Variants in SBK1 observed in about 807,000 individuals in gnomAD.
SBK1 encodes serine/threonine-protein kinase SBK1.
A neutral mutation model predicts 24.4 loss-of-function variants in SBK1; 11 were observed. The observed-to-expected ratio is 0.45, with a 90% CI of 0.28 to 0.75. SBK1 has a LOEUF of 0.75. Ranked by LOEUF, SBK1 falls within the 30% of genes least tolerant of loss-of-function variation. The probability of loss-of-function intolerance (pLI) is 0.12; values close to 1 mark genes in which losing one functional copy is unlikely to be tolerated. For missense variants in SBK1, 467 were observed against 620.5 expected, an observed-to-expected ratio of 0.75 and a Z score of 2.63; for synonymous variants, 308 against 284.4, an observed-to-expected ratio of 1.08 and a Z score of -0.83.
At chr16:28,313,129 TA>T (rs1248729532) in intron 1 of SBK1, among the ~76,000 whole-genome samples, 1 of 151,588 alleles carries the variant, frequency 6.6e-6, no homozygotes, top group Non-Finnish European at 1.5e-5. Context: ...ATAAAATAAA[TA>T]AAATACGAAA....
intron 1 of SBK1, among the ~76,000 whole-genome samples, chr16:28,293,805 G>A (rs2044619635): frequency 6.6e-6 from 1 of 152,142 alleles, no homozygotes; most frequent in Non-Finnish European, 1.5e-5. Context: ...GGGAAGGGGT[G>A]TGTTTGAGCG....
chr16:28,304,733 G>C (rs1378848488), intron 1 of SBK1, among the ~76,000 whole-genome samples: 1 of 151,406 alleles, frequency 6.6e-6, no homozygotes, highest in Non-Finnish European at 1.5e-5. Context: ...TCAGCCTCCC[G>C]AGTAGCTGGG....
At chr16:28,299,666 G>A (rs1011424827) in intron 1 of SBK1, among the ~76,000 whole-genome samples, 39 of 152,110 alleles carry the variant, frequency 2.6e-4, no homozygotes, top group African/African-American at 2.7e-4. Context: ...AACAGTGTGC[G>A]ATGCTGCCAC....
chr16:28,318,525 G>GCT (rs1345578103), intron 2 of SBK1, among the ~76,000 whole-genome samples: 1 of 152,246 alleles, frequency 6.6e-6, no homozygotes, highest in African/African-American at 2.4e-5. Context: ...ATGTGTAAAT[G>GCT]CTCCGTGGAC....
intron 1 of SBK1, among the ~76,000 whole-genome samples, chr16:28,295,381 G>A (rs929155916): frequency 2.0e-5 from 3 of 152,098 alleles, no homozygotes; most frequent in Admixed American, 2.0e-4. Context: ...CCCACTCTAG[G>A]ATGGCTCCGG....
At chr16:28,272,189 C>A (rs527379811) in intron 1 of SBK1, among the ~76,000 whole-genome samples, 1 of 152,274 alleles carries the variant, frequency 6.6e-6, no homozygotes, top group East Asian at 1.9e-4. Flanking sequence ...CCATCCTCAG[C>A]CTCCAGAGTA....
At chr16:28,305,322 T>G (rs747571433) in intron 1 of SBK1, among the ~76,000 whole-genome samples, 3 of 152,092 alleles carry the variant, frequency 2.0e-5, no homozygotes, top group Non-Finnish European at 4.4e-5. Context: ...AAGTGTTTCT[T>G]GTGCCTCAGC....
At chr16:28,291,066 G>A (rs978876194), upstream of SBK1, 1 of 152,156 alleles carries the variant, frequency 6.6e-6, no homozygotes, top group South Asian at 2.1e-4. Flanking sequence ...AGGTACTTGC[G>A]TTTGCAATCC....
In SBK1 at chr16:28,322,948, CT is replaced by C. The variant is rs1482046906; in HGVS notation, c.*2028del. On this transcript the variant is annotated 3_prime_UTR_variant, in exon 4 of 4. Coordinates refer to ENST00000341901, the MANE Select transcript of SBK1 (RefSeq NM_001024401.3). ...TCTCTCTCCCTCTCTCTCTCTCTCT[CT>C]CTCTCTCTCTCTCTCTCTCTCTCTC... 1.5e-5 allele frequency: 2 copies of C among 133,320 alleles called. No homozygotes were observed. Among genetic ancestry groups the C allele is most frequent in the Non-Finnish European group, 3.2e-5 (2 of 63,158 alleles). 8.3% of individuals were successfully genotyped at this position (133,320 alleles called of 1,614,324 possible). A position where few individuals can be genotyped will look rare whatever the true frequency, so the allele number is the denominator to read the frequency against.
intron 1 of SBK1, among the ~76,000 whole-genome samples, chr16:28,261,202 G>A (rs1477163529): frequency 6.6e-6 from 1 of 152,112 alleles, no homozygotes; most frequent in Non-Finnish European, 1.5e-5. Context: ...GAACTCCTAA[G>A]CAATGGTCTC....
chr16:28,266,428 A>T (rs1374510788), intron 1 of SBK1, among the ~76,000 whole-genome samples: 1 of 152,158 alleles, frequency 6.6e-6, no homozygotes, highest in African/African-American at 2.4e-5. Flanking sequence ...AGGTGTGTGC[A>T]TCAGTGTTTT....
Position 28,261,848 on chromosome 16 carries a change from T to C in SBK1, c.257+2346T>C, listed in dbSNP as rs2044399832. ...CCTTAGGGTTGGCAGCCGTGAAATC[T>C]GCCCCCTCATCCCTCATCCCTTCAT... On this transcript the variant is annotated intron_variant, in intron 1 of 3. Coordinates refer to the SBK1 transcript ENST00000671413. Among the ~76,000 whole-genome samples the C allele has an allele frequency of 2.0e-5, 3 of 152,190 alleles. No individual in the cohort carries two copies. The South Asian group carries it at 6.2e-4, about 31-fold the overall frequency.
intron 1 of SBK1, among the ~76,000 whole-genome samples, chr16:28,270,543 A>G (rs1164177688): frequency 2.0e-5 from 3 of 151,772 alleles, no homozygotes; most frequent in Non-Finnish European, 4.4e-5. Flanking sequence ...CTCCTATCTG[A>G]GCCTCCTGGG....
chr16:28,304,229 G>T (rs920598249), intron 1 of SBK1, among the ~76,000 whole-genome samples: 3 of 152,136 alleles, frequency 2.0e-5, no homozygotes, highest in African/African-American at 7.2e-5. Flanking sequence ...AGCGCTGGGG[G>T]CCTGGGTTCC....
At chr16:28,307,565 C>A (rs1369484007) in intron 1 of SBK1, among the ~76,000 whole-genome samples, 2 of 151,884 alleles carry the variant, frequency 1.3e-5, no homozygotes, top group African/African-American at 4.8e-5. Flanking sequence ...CATGGTGAAA[C>A]CTCATCTCTA....
intron 1 of SBK1, among the ~76,000 whole-genome samples, chr16:28,264,120 C>G (rs879518175): frequency 1.0e-3 from 157 of 152,196 alleles, no homozygotes; most frequent in African/African-American, 3.5e-3. Context: ...CACAGCAAGA[C>G]CCTGTCTCTA....
intron 1 of SBK1, among the ~76,000 whole-genome samples, chr16:28,311,801 G>A (rs2044756681): frequency 6.6e-6 from 1 of 152,240 alleles, no homozygotes; most frequent in Non-Finnish European, 1.5e-5. Flanking sequence ...ACAGTGGGGG[G>A]CACACATGGG....
At chr16:28,285,586 A>G (rs1384592890) in intron 1 of SBK1, 2 of 152,200 alleles carry the variant, frequency 1.3e-5, no homozygotes, top group Admixed American at 1.3e-4. Context: ...ACAGATAAAG[A>G]TGAATTCCTA....
chr16:28,298,618 T>C (rs1248637952), intron 1 of SBK1, among the ~76,000 whole-genome samples: 1 of 152,218 alleles, frequency 6.6e-6, no homozygotes, highest in East Asian at 1.9e-4. Context: ...ATGAAGCGCT[T>C]GAGCAGGGCC....
Sources: allele counts gnomAD v4.1 joint callset (sites outside exome capture counted in the v4.1 genomes callset), GRCh38; gene constraint gnomAD v4.1.1; transcripts MANE v1.5; gene names NCBI Gene and HGNC (gene_info 2026-07-23, HGNC 2026-07-21).